The following NPEPL1 variants were observed in gnomAD, a reference collection of about 807,000 sequenced individuals.
The protein encoded by NPEPL1 is probable aminopeptidase NPEPL1.
In NPEPL1, 45 loss-of-function variants were observed where a neutral mutation model predicts 52.4. The ratio of observed to expected loss-of-function variants is 0.86; its 90% CI spans 0.68 to 1.10. The LOEUF (loss-of-function observed/expected upper bound fraction) is 1.10. Ranked by LOEUF, NPEPL1 falls within the 50% of genes least tolerant of loss-of-function variation. The pLI is 0.00. For missense variants in NPEPL1, 696 were observed against 710.9 expected, an observed-to-expected ratio of 0.98 and a Z score of 0.24; for synonymous variants, 360 against 314.7, an observed-to-expected ratio of 1.14 and a Z score of -1.52.
At position 58,694,571 on chromosome 20, in the gene NPEPL1, G is replaced by A. The variant is rs763214259; in HGVS notation, c.486G>A (p.Pro162=). 5.0e-6 allele frequency: 8 copies of A among 1,613,392 alleles called. No homozygotes were observed. Among genetic ancestry groups the A allele is most frequent in the Admixed American group, 3.3e-5 (2 of 59,946 alleles). The change falls in exon 3 of 12, where the codon CCG becomes CCA. Residue 162 remains proline (P), a synonymous_variant. Coordinates refer to ENST00000356091, the MANE Select transcript of NPEPL1 (RefSeq NM_024663.4). ...EFFLVGQDNG[P]VEVSTLQCLA... Reference sequence around the variant, plus strand: ...TCCTGGTGGGACAAGACAACGGGCCGGTGGAGGTGTCCACATTGCAGGTGG... The same window carrying A: ...TCCTGGTGGGACAAGACAACGGGCCAGTGGAGGTGTCCACATTGCAGGTGG...
chr20:58,701,236 T>C, intron 6 of NPEPL1, 78 bp downstream of exon 6: 2 of 102,506 alleles, frequency 2.0e-5, no homozygotes, highest in Non-Finnish European at 3.0e-5. Flanking sequence ...CTCTCCCGGG[T>C]GCCCTGGGGG....
At chr20:58,710,460 G>C (rs1329175228) in intron 7 of NPEPL1, among the ~76,000 whole-genome samples, 1 of 152,006 alleles carries the variant, frequency 6.6e-6, no homozygotes, top group Admixed American at 6.5e-5. Flanking sequence ...CGGTGGCCCT[G>C]GGCTCTGGGG....
chr20:58,714,582 C>T lies in NPEPL1; in HGVS notation c.1325C>T (p.Ser442Phe). 2 of 1,589,796 alleles carry T rather than the reference C, an allele frequency of 1.3e-6. No individual in the cohort carries two copies. The highest frequency in any genetic ancestry group is 1.7e-6 in the Non-Finnish European group (2 of 1,170,536). ...SVADRDNSPSSCAGLFIASHI... is the reference protein window; with the variant it reads ...SVADRDNSPSFCAGLFIASHI... ...TAGGACCGAGACAACAGCCCCAGCT[C>T]CTGTGCTGGCCTCTTCATCGCCTCA... The change falls in exon 11 of 12, where the codon TCC becomes TTC. Residue 442 changes from serine to phenylalanine, a missense_variant. Transcript: ENST00000356091.
chr20:58,707,251 G>T, intron 7 of NPEPL1, 51 bp downstream of exon 7: 1 of 1,472,822 alleles, frequency 6.8e-7, no homozygotes, highest in South Asian at 1.3e-5. Context: ...TGTGCCTCGT[G>T]GGTGCTCCCC....
At chr20:58,712,642 C>T (rs1349122787) in intron 8 of NPEPL1, 63 bp downstream of exon 8, 4 of 1,164,054 alleles carry the variant, frequency 3.4e-6, no homozygotes, top group Non-Finnish European at 3.9e-6. Context: ...TCCCGGCCTG[C>T]AATGCCAGCT....
At chr20:58,714,136 A>G in intron 10 of NPEPL1, 43 bp downstream of exon 10, 1 of 1,511,528 alleles carries the variant, frequency 6.6e-7, no homozygotes, top group African/African-American at 1.4e-5. Context: ...ACATGGGTGG[A>G]GCCGGGCAGG....
At chr20:58,694,681 C>G in intron 3 of NPEPL1, 89 bp downstream of exon 3, 1 of 1,361,264 alleles carries the variant, frequency 7.3e-7, no homozygotes, top group African/African-American at 1.5e-5. Flanking sequence ...AAGCTTGTTG[C>G]GGGGGCAGGA....
chr20:58,702,545 T>A (rs2084653501), intron 6 of NPEPL1, among the ~76,000 whole-genome samples: 1 of 152,196 alleles, frequency 6.6e-6, no homozygotes. Context: ...TGTTTTTTTT[T>A]AATAGAAAAA....
upstream of NPEPL1, chr20:58,691,883 C>A: frequency 1.8e-6 from 2 of 1,086,202 alleles, no homozygotes; most frequent in Non-Finnish European, 2.8e-6. Context: ...CCCAATGCAT[C>A]GTCATTCCCT....
intron 6 of NPEPL1, chr20:58,704,122 C>T: frequency 1.0e-6 from 1 of 985,414 alleles, no homozygotes; most frequent in Non-Finnish European, 1.2e-6. Flanking sequence ...GACCCCAATC[C>T]TGACCTGAAG....
In NPEPL1 at chr20:58,701,191, G is replaced by C. The variant is rs375871526; in HGVS notation, c.822+33G>C. On this transcript the variant is annotated intron_variant, in intron 6 of 11. Transcript: ENST00000356091. ...GCGGGCTGGCTCTCAGGGTGCCCTG[G>C]GGGAGGGGAGGGGAAGGTGAGGTGC... 2.3e-4 allele frequency: 332 copies of C among 1,456,482 alleles called. 1 individual carries two copies. In the Middle Eastern group the frequency reaches 3.3e-3, roughly 15 times the overall value. 90.2% of individuals were successfully genotyped at this position (1,456,482 alleles called of 1,614,324 possible).
At chr20:58,702,425 G>T (rs1468813262) in intron 6 of NPEPL1, among the ~76,000 whole-genome samples, 2 of 152,176 alleles carry the variant, frequency 1.3e-5, no homozygotes, top group East Asian at 3.9e-4. Flanking sequence ...TCTCTAGCAC[G>T]CCTAGTTTAT....
intron 6 of NPEPL1, among the ~76,000 whole-genome samples, chr20:58,702,804 G>GTCTT (rs1468391784): frequency 6.6e-6 from 1 of 152,220 alleles, no homozygotes; most frequent in Non-Finnish European, 1.5e-5. Flanking sequence ...CTTAGGAAAA[G>GTCTT]TCTTTAATAC....
chr20:58,692,325 T>G (rs975728710), upstream of NPEPL1: 1 of 156,796 alleles, frequency 6.4e-6, no homozygotes, highest in Non-Finnish European at 1.4e-5. The surrounding 1 kb of genome is among the most constrained non-coding windows in gnomAD (Gnocchi z 5.7). Context: ...TGCCAGGCAG[T>G]GGGACAAAAG....
rs1055440683 is a variant in NPEPL1, at chr20:58,713,479, C to T, written c.1061C>T (p.Ser354Phe). The T allele has an allele frequency of 3.7e-6, 6 of 1,611,360 alleles. No individual in the cohort carries two copies. The highest frequency in any genetic ancestry group is 3.3e-5 in the Admixed American group (2 of 59,792). Residue 354 changes from serine to phenylalanine, a missense_variant, in exon 9 of 12, where the codon TCC (serine) becomes TTC (phenylalanine). Transcript: ENST00000356091. This position sits in a 1 kb window ranked among gnomAD's most constrained non-coding sequence, Gnocchi z 4.6. ...EGRLVLADGV[S>F]YACKDLGADI... ...AGGCTGGTGCTGGCAGATGGCGTGTCCTATGCTTGCAAGGACCTGGGGGCC... is the reference window on the plus strand; with the variant it reads ...AGGCTGGTGCTGGCAGATGGCGTGTTCTATGCTTGCAAGGACCTGGGGGCC...
At chr20:58,694,728 G>C in intron 3 of NPEPL1, 136 bp downstream of exon 3, 1 of 958,998 alleles carries the variant, frequency 1.0e-6, no homozygotes, top group Admixed American at 3.3e-5. Context: ...TTGGTTCCTG[G>C]GAAGCGGCAG....
At chr20:58,715,117 C>T (rs2123160386) in intron 11 of NPEPL1, 51 bp from the exon 12 acceptor site, 1 of 1,547,378 alleles carries the variant, frequency 6.5e-7, no homozygotes, top group African/African-American at 1.4e-5. Context: ...AGGAACCCCT[C>T]CTGTGCTGCA....
intron 6 of NPEPL1, chr20:58,703,761 GGCCTTCCCTAGAGGCCACAGCTGCACA>G (rs36103125): frequency 0.072 from 70,450 of 984,968 alleles, 3,200 homozygotes; most frequent in African/African-American, 0.21. Flanking sequence ...TGACCACACA[GGCCTTCCCTAGAGGCCACAGCTGCACA>G]GCCTTCAGGG....
At position 58,703,977 on chromosome 20, in the gene NPEPL1, G is replaced by T. The variant is rs560576427; in HGVS notation, c.822+2819G>T. 13 of 985,350 alleles carry T rather than the reference G, an allele frequency of 1.3e-5. No individual in the cohort carries two copies. The South Asian group carries it at 3.8e-4, about 28-fold the overall frequency. 61.0% of individuals were successfully genotyped at this position (985,350 alleles called of 1,614,324 possible). A position where few individuals can be genotyped will look rare whatever the true frequency, so the allele number is the denominator to read the frequency against. ...TCTGGCACCAGTGAAACAATACCTG[G>T]TTTTTTATTTTAAACCAGCCCATCT... On this transcript the variant is annotated intron_variant, in intron 6 of 11. Coordinates refer to ENST00000356091, the MANE Select transcript of NPEPL1 (RefSeq NM_024663.4).
Sources: gnomAD v4.1 joint callset for allele counts (sites outside exome capture counted in the v4.1 genomes callset) on GRCh38, gnomAD v4.1.1 for gene constraint, Gnocchi (gnomAD v3.1) non-coding constraint, MANE v1.5 for transcripts, NCBI Gene and HGNC (gene_info 2026-07-23, HGNC 2026-07-21) for gene names.